The following AP3S1 variants were observed in gnomAD, a reference collection of about 807,000 sequenced individuals.
AP3S1 encodes AP-3 complex subunit sigma-1.
A neutral mutation model predicts 21.3 loss-of-function variants in AP3S1; 12 were observed. The ratio of observed to expected loss-of-function variants is 0.56; its 90% CI spans 0.36 to 0.91. The LOEUF (loss-of-function observed/expected upper bound fraction) is 0.91, where lower values mean the gene tolerates loss of function less well. Among genes scored for constraint, AP3S1 ranks in the 40% least tolerant of loss-of-function variants. AP3S1 has a pLI of 0.01. For missense variants in AP3S1, 116 were observed against 225.0 expected (o/e 0.52, Z 3.10); for synonymous variants, 48 against 78.4 (o/e 0.61, Z 2.05).
intron 1 of AP3S1, among the ~76,000 whole-genome samples, chr5:115,845,836 CAAAAAAAAAAAAAAAAAAAAAA>C (rs755171274): frequency 2.6e-4 from 9 of 34,432 alleles, no homozygotes; most frequent in Non-Finnish European, 3.4e-4. Flanking sequence ...GACTCCATCT[CAAAAAAAAAAAAAAAAAAAAAA>C]AAAAAAAAAA....
chr5:115,879,229 A>C (rs1749050983), intron 3 of AP3S1, among the ~76,000 whole-genome samples: 1 of 152,162 alleles, frequency 6.6e-6, no homozygotes, highest in African/African-American at 2.4e-5. Flanking sequence ...AACTTCCAAT[A>C]CTGTGTTGAA....
chr5:115,907,600 T>C (rs376985170), intron 5 of AP3S1, among the ~76,000 whole-genome samples: 2 of 152,158 alleles, frequency 1.3e-5, no homozygotes, highest in African/African-American at 4.8e-5. Flanking sequence ...TGGGTTTTCA[T>C]TGTAGCAAAC....
At chr5:115,854,139 G>A (rs926471835) in intron 1 of AP3S1, among the ~76,000 whole-genome samples, 4 of 152,172 alleles carry the variant, frequency 2.6e-5, no homozygotes, top group African/African-American at 7.2e-5. Flanking sequence ...ACCCACTCCT[G>A]TAATAATGAC....
chr5:115,853,823 A>T lies in AP3S1; in HGVS notation c.69+11717A>T, dbSNP rs141174768. On this transcript the variant is annotated intron_variant, in intron 1 of 5. Coordinates refer to ENST00000316788, the MANE Select transcript of AP3S1 (RefSeq NM_001284.4). ...CAGCTACCACCATGGTTGACTCTCT[A>T]AATATTTCAAACTCAGTCTGTCACC... Among the ~76,000 whole-genome samples, 472 of 152,288 alleles carry T rather than the reference A, an allele frequency of 3.1e-3. 1 individual carries two copies. Among genetic ancestry groups the T allele is most frequent in the South Asian group, 4.8e-3 (23 of 4,826 alleles).
intron 4 of AP3S1, among the ~76,000 whole-genome samples, chr5:115,899,346 C>G (rs1252188840): frequency 6.6e-6 from 1 of 152,236 alleles, no homozygotes; most frequent in Non-Finnish European, 1.5e-5. Context: ...AAAGAAAGCA[C>G]TGCCATCTGA....
chr5:115,884,380 A>C (rs569172389), intron 3 of AP3S1, among the ~76,000 whole-genome samples: 1 of 152,330 alleles, frequency 6.6e-6, no homozygotes, highest in African/African-American at 2.4e-5. Context: ...CCTGGCCAAC[A>C]TGGTGAAACC....
chr5:115,860,535 T>C (rs1763098072), intron 1 of AP3S1, among the ~76,000 whole-genome samples: 1 of 152,198 alleles, frequency 6.6e-6, no homozygotes, highest in South Asian at 2.1e-4. Flanking sequence ...CTTTCCATCC[T>C]TATTTTACAG....
chr5:115,847,850 A>C (rs903551153), intron 1 of AP3S1, among the ~76,000 whole-genome samples: 1 of 152,292 alleles, frequency 6.6e-6, no homozygotes, highest in South Asian at 2.1e-4. Context: ...AGTTCCTTGT[A>C]ATATGCAATA....
intron 3 of AP3S1, among the ~76,000 whole-genome samples, chr5:115,891,589 AG>A (rs1750306324): frequency 6.6e-6 from 1 of 152,194 alleles, no homozygotes; most frequent in South Asian, 2.1e-4. Flanking sequence ...CAAAGGATAC[AG>A]ATGGGTGGGA....
chr5:115,891,480 T>A (rs1486257513), intron 3 of AP3S1, among the ~76,000 whole-genome samples: 1 of 152,144 alleles, frequency 6.6e-6, no homozygotes, highest in African/African-American at 2.4e-5. Context: ...GATGGTAAAT[T>A]GGGATTCTTG....
intron 5 of AP3S1, chr5:115,906,911 G>A (rs1751698208): frequency 2.1e-6 from 3 of 1,457,156 alleles, no homozygotes; most frequent in Non-Finnish European, 2.7e-6. Context: ...AAAGCAAAAT[G>A]ATGTCAAAGG....
At chr5:115,886,192 ATATACT>A (rs1749765673) in intron 3 of AP3S1, among the ~76,000 whole-genome samples, 1 of 152,220 alleles carries the variant, frequency 6.6e-6, no homozygotes, top group Non-Finnish European at 1.5e-5. Flanking sequence ...AAATAAAATA[ATATACT>A]TAAAGCAGTC....
At chr5:115,858,664 A>G (rs1762955286) in intron 1 of AP3S1, among the ~76,000 whole-genome samples, 2 of 151,280 alleles carry the variant, frequency 1.3e-5, no homozygotes, top group South Asian at 4.2e-4. Flanking sequence ...TTCATTTTCT[A>G]TCTTTGTGCC....
At chr5:115,891,116 T>A (rs1313951262) in intron 3 of AP3S1, among the ~76,000 whole-genome samples, 1 of 152,132 alleles carries the variant, frequency 6.6e-6, no homozygotes, top group East Asian at 1.9e-4. Flanking sequence ...ACCAGGGCCT[T>A]GAGGAGAAAT....
At chr5:115,909,311 A>G (rs1208052717) in intron 5 of AP3S1, among the ~76,000 whole-genome samples, 1 of 152,210 alleles carries the variant, frequency 6.6e-6, no homozygotes, top group African/African-American at 2.4e-5. Context: ...GGCAATTTAA[A>G]AACAAAATCA....
intron 3 of AP3S1, among the ~76,000 whole-genome samples, chr5:115,880,347 A>G (rs2112869813): frequency 6.6e-6 from 1 of 152,270 alleles, no homozygotes; most frequent in East Asian, 1.9e-4. Context: ...AGTGCTATGA[A>G]TTTCCACTGA....
At chr5:115,906,007 A>C (rs1018674523) in intron 5 of AP3S1, among the ~76,000 whole-genome samples, 1 of 152,108 alleles carries the variant, frequency 6.6e-6, no homozygotes, top group African/African-American at 2.4e-5. Flanking sequence ...AATACAAAAA[A>C]ATTATCCAGG....
At chr5:115,913,146 C>T (rs1752234094) in intron 5 of AP3S1, among the ~76,000 whole-genome samples, 1 of 152,034 alleles carries the variant, frequency 6.6e-6, no homozygotes, top group Non-Finnish European at 1.5e-5. Flanking sequence ...ACATTGTTAT[C>T]ATTGCATGTG....
chr5:115,842,218 G>A (rs897991300), intron 1 of AP3S1, 112 bp downstream of exon 1: 16 of 1,394,160 alleles, frequency 1.1e-5, no homozygotes, highest in Non-Finnish European at 1.4e-5. Context: ...CCCTTGTCCC[G>A]TCCCGGCCGC....
Sources: allele counts gnomAD v4.1 joint callset (sites outside exome capture counted in the v4.1 genomes callset), GRCh38; gene constraint gnomAD v4.1.1; transcripts MANE v1.5; gene names NCBI Gene and HGNC (gene_info 2026-07-23, HGNC 2026-07-21).